Variants in TTN observed in about 807,000 individuals in gnomAD.
TTN encodes connectin.
In TTN, 1,525 loss-of-function variants were observed where a neutral mutation model predicts 3,223.0. The ratio of observed to expected loss-of-function variants is 0.47; its 90% CI spans 0.45 to 0.49. The LOEUF is 0.49. Ranked by LOEUF, TTN falls within the 20% of genes least tolerant of loss-of-function variation. The probability of loss-of-function intolerance (pLI) is 0.00; values close to 1 mark genes in which losing one functional copy is unlikely to be tolerated. For synonymous variants in TTN, 14,094 were observed against 15,161.0 expected (o/e 0.93, Z 5.17); for missense variants, 40,786 against 43,424.0 (o/e 0.94, Z 5.40).
intron 2 of TTN, among the ~76,000 whole-genome samples, chr2:178,803,925 G>T (rs2094189711): frequency 6.6e-6 from 1 of 152,062 alleles, no homozygotes; most frequent in Non-Finnish European, 1.5e-5. Flanking sequence ...TAAAATTCTA[G>T]GGTTAGTGTT....
rs574980683 is a variant in TTN, at chr2:178,595,634, T to C, written c.57720A>G (p.Arg19240=). ...AWTPVTYTVT[R]QNATVQGLIQ... is the part of the protein sequence containing the mutation. ...TGAGACCCTGGACAGTAGCATTTTGTCGGGTAACTGTATATGTCACTGGGG... is the reference window on the plus strand; with the variant it reads ...TGAGACCCTGGACAGTAGCATTTTGCCGGGTAACTGTATATGTCACTGGGG... The change falls in exon 295 of 363, where the codon CGA becomes CGG. Residue 19240 remains arginine, a synonymous_variant. Coordinates refer to ENST00000589042, the MANE Select transcript of TTN (RefSeq NM_001267550.2). The C allele has an allele frequency of 1.3e-5, 21 of 1,604,950 alleles. No individual in the cohort carries two copies. In the South Asian group the frequency reaches 2.1e-4, roughly 16 times the overall value.
chr2:178,678,900 T>A, intron 142 of TTN, 70 bp from the exon 143 acceptor site: 1 of 1,266,302 alleles, frequency 7.9e-7, no homozygotes, highest in Non-Finnish European at 1.1e-6. Flanking sequence ...GCTGGCAATG[T>A]AAGGCCTTAA....
intron 240 of TTN, among the ~76,000 whole-genome samples, chr2:178,628,178 T>A (rs1302909583): frequency 6.6e-6 from 1 of 152,088 alleles, no homozygotes; most frequent in African/African-American, 2.4e-5. Flanking sequence ...ATCACTTTAG[T>A]GGAATACTAG....
At chr2:178,614,019 C>CTTT in intron 262 of TTN, 33 bp downstream of exon 262, 1 of 1,468,170 alleles carries the variant, frequency 6.8e-7, no homozygotes, top group Non-Finnish European at 9.3e-7. Flanking sequence ...CATAAGCATC[C>CTTT]TTTTTTTTTT....
rs892039831 is a variant in TTN, at chr2:178,694,026, C to T, written c.31427-18G>A. The stretch of plus-strand genomic sequence containing the variant: ...AGCTGGTACTTTAAAGAGAGTATTT[C>T]ACATTAGTATTCCTTTTTTTTAGTA... On this transcript the variant is annotated intron_variant, in intron 117 of 362. Transcript: ENST00000589042. 1.3e-6 allele frequency: 2 copies of T among 1,586,052 alleles called. No homozygotes were observed. The highest frequency in any genetic ancestry group is 1.7e-6 in the Non-Finnish European group (2 of 1,159,418).
intron 315 of TTN, 42 bp from the exon 316 acceptor site, chr2:178,581,846 T>C: frequency 6.2e-7 from 1 of 1,600,976 alleles, no homozygotes; most frequent in African/African-American, 1.4e-5. Flanking sequence ...GAAAACTTCC[T>C]TCCTGGGTGT....
Position 178,688,936 on chromosome 2 carries a change from A to T in TTN, c.32095+117T>A, listed in dbSNP as rs534343790. On this transcript the variant is annotated intron_variant, in intron 125 of 362. Coordinates refer to ENST00000589042, the MANE Select transcript of TTN (RefSeq NM_001267550.2). ...GACATAAACACAAAAGTTTCACTGCAAGTGAGACAATGGATCAGTATAAGC... is the reference window on the plus strand; with the variant it reads ...GACATAAACACAAAAGTTTCACTGCTAGTGAGACAATGGATCAGTATAAGC... 11 of 1,208,594 alleles carry T rather than the reference A, an allele frequency of 9.1e-6. No individual in the cohort carries two copies. The South Asian group carries it at 1.2e-4, about 13-fold the overall frequency. 74.9% of individuals were successfully genotyped at this position (1,208,594 alleles called of 1,614,324 possible). A position where few individuals can be genotyped will look rare whatever the true frequency, so the allele number is the denominator to read the frequency against.
chr2:178,547,803 C>G lies in TTN; in HGVS notation c.93823G>C (p.Val31275Leu). 6.2e-7 allele frequency: 1 copy of G among 1,613,894 alleles called. No homozygotes were observed. Among genetic ancestry groups the G allele is most frequent in the Non-Finnish European group, 8.5e-7 (1 of 1,179,836 alleles). The stretch of plus-strand genomic sequence containing the variant: ...GAGTCACCTCTCATGCTGTCCTTTA[C>G]AGTCAGTGTGGTTCTGTCTTTTGTT... ...TTTKDRTTLT[V>L]KDSMRGDSGR... Residue 31275 changes from valine to leucine, a missense_variant, in exon 339 of 363, where the codon GTA becomes CTA. Transcript: ENST00000589042.
chr2:178,576,425 G>A lies in TTN; in HGVS notation c.69716-9C>T, dbSNP rs776930347. The A allele has an allele frequency of 6.3e-7, 1 of 1,576,864 alleles. No individual in the cohort carries two copies. Among genetic ancestry groups the A allele is most frequent in the Admixed American group, 2.1e-5 (1 of 48,278 alleles). On this transcript the variant is annotated splice_polypyrimidine_tract_variant and intron_variant, in intron 325 of 362. Transcript: ENST00000589042. This position sits in a 1 kb window ranked among gnomAD's most constrained non-coding sequence, Gnocchi z 4.3. Reference sequence around the variant, plus strand: ...AGGTGGTCCTGGAGGATCTGAGAAAGAAACAAAGACACAAAAGTATATATT... The same window carrying A: ...AGGTGGTCCTGGAGGATCTGAGAAAAAAACAAAGACACAAAAGTATATATT...
intron 226 of TTN, 23 bp downstream of exon 226, chr2:178,635,939 GA>G (rs751373560): frequency 6.4e-7 from 1 of 1,555,852 alleles, no homozygotes; most frequent in South Asian, 1.2e-5. Flanking sequence ...TAAGCAGAAC[GA>G]AATCTCCCAG....
At chr2:178,673,191 G>T (rs2067314518) in intron 152 of TTN, among the ~76,000 whole-genome samples, 1 of 151,762 alleles carries the variant, frequency 6.6e-6, no homozygotes, top group African/African-American at 2.4e-5. Context: ...AACCTTGAAT[G>T]CTTGGGCTAA....
In TTN at chr2:178,586,643, C is replaced by G; in HGVS notation, c.64258G>C (p.Val21420Leu). Reference sequence around the variant, plus strand: ...ACAACAAGGCTCAGATCTTTTACCACTGAGTACTCTGTCCAGCGATCTGCA... The same window carrying G: ...ACAACAAGGCTCAGATCTTTTACCAGTGAGTACTCTGTCCAGCGATCTGCA... ...QPADRWTEYS[V>L]VKDLSLVVTG... Residue 21420 changes from valine (V) to leucine (L), a missense_variant, in exon 308 of 363, where the codon GTG becomes CTG. Transcript: ENST00000589042. 6.2e-7 allele frequency: 1 copy of G among 1,613,210 alleles called. No individual in the cohort carries two copies. The highest frequency in any genetic ancestry group is 8.5e-7 in the Non-Finnish European group (1 of 1,179,404).
rs1238849504 is a variant in TTN, at chr2:178,735,659, G to T, written c.14787C>A (p.Pro4929=). The part of the protein sequence containing the change: ...VTWSKDGQKL[P]PGKDYKICFE... ...AACAGATCTTATAATCTTTCCCTGGGGGGAGTTTTTGCCCATCTTTGCTCC... is the reference window on the plus strand; with the variant it reads ...AACAGATCTTATAATCTTTCCCTGGTGGGAGTTTTTGCCCATCTTTGCTCC... The change falls in exon 50 of 363, where the codon CCC becomes CCA. Residue 4929 remains proline (P), a synonymous_variant. Transcript: ENST00000589042. 6.2e-7 allele frequency: 1 copy of T among 1,613,746 alleles called. No individual in the cohort carries two copies. The highest frequency in any genetic ancestry group is 1.1e-5 in the South Asian group (1 of 91,074).
intron 152 of TTN, among the ~76,000 whole-genome samples, chr2:178,673,281 GTAAAA>G (rs1282462140): frequency 6.6e-6 from 1 of 151,638 alleles, no homozygotes; most frequent in Non-Finnish European, 1.5e-5. Flanking sequence ...AATAAATATA[GTAAAA>G]TAATTATTAT....
chr2:178,736,034 A>G lies in TTN; in HGVS notation c.14412T>C (p.Leu4804=). The stretch of plus-strand genomic sequence containing the variant: ...TGGCTGCCTTACCCACAAAAGTTGT[A>G]AGGGACTTAGGTCTGGAGAGAAAGG... ...PPTFLSRPKS[L]TTFVGKAAKF... The change falls in exon 50 of 363, where the codon CTT becomes CTC. Residue 4804 remains leucine (L), a synonymous_variant. Transcript: ENST00000589042. 2 of 1,610,060 alleles carry G rather than the reference A, an allele frequency of 1.2e-6. No homozygotes were observed. Among genetic ancestry groups the G allele is most frequent in the East Asian group, 2.2e-5 (1 of 44,814 alleles).
chr2:178,783,115 C>A (rs1328457063), intron 17 of TTN, 51 bp from the exon 18 acceptor site: 1 of 1,597,288 alleles, frequency 6.3e-7, no homozygotes, highest in Admixed American at 1.7e-5. Context: ...ATTCATTAAT[C>A]ACTTCTGTTT....
chr2:178,638,809 T>A (rs1420659127), intron 223 of TTN, among the ~76,000 whole-genome samples: 1 of 152,030 alleles, frequency 6.6e-6, no homozygotes, highest in Non-Finnish European at 1.5e-5. Context: ...TTTAAACTCA[T>A]GGGATGCATG....
rs727505031 is a variant in TTN, at chr2:178,723,877, G to A, written c.21382C>T (p.Arg7128Cys). 4.3e-6 allele frequency: 7 copies of A among 1,611,732 alleles called. No individual in the cohort carries two copies. The highest frequency in any genetic ancestry group is 3.3e-5 in the South Asian group (3 of 90,888). The change falls in exon 73 of 363, where the codon CGT (arginine) becomes TGT (cysteine). Residue 7128 changes from arginine (R) to cysteine (C), a missense_variant. Arg to Cys is a radical substitution (Grantham distance 180). Coordinates refer to ENST00000589042, the MANE Select transcript of TTN (RefSeq NM_001267550.2). ...TGACCTTGTACAGTTAGCACTGCAC[G>A]ACATTCATCAGACCCAGCGACATTA... ...AANVAGSDEC[R>C]AVLTVQEPPS...
In TTN at chr2:178,589,140, A is replaced by G. The variant is rs1349807141; in HGVS notation, c.62585T>C (p.Leu20862Ser). 1 of 1,613,174 alleles carries G rather than the reference A, an allele frequency of 6.2e-7. No individual in the cohort carries two copies. Among genetic ancestry groups the G allele is most frequent in the South Asian group, 1.1e-5 (1 of 91,072 alleles). Residue 20862 changes from leucine to serine, a missense_variant, in exon 304 of 363, where the codon TTA (leucine) becomes TCA (serine). Physicochemically the swap from Leu to Ser is moderately radical, Grantham distance 145. Coordinates refer to ENST00000589042, the MANE Select transcript of TTN (RefSeq NM_001267550.2). ...ATTTCTCACAGGACCAGGCTTATCTAAAACATTGACAGTGGCATAGGCCAC... is the reference window on the plus strand; with the variant it reads ...ATTTCTCACAGGACCAGGCTTATCTGAAACATTGACAGTGGCATAGGCCAC... ...SFVAYATVNVLDKPGPVRNLK... is the reference protein window; with the variant it reads ...SFVAYATVNVSDKPGPVRNLK...
Sources: allele counts gnomAD v4.1 joint callset (sites outside exome capture counted in the v4.1 genomes callset), GRCh38; gene constraint gnomAD v4.1.1; non-coding constraint Gnocchi (gnomAD v3.1); transcripts MANE v1.5; gene names NCBI Gene and HGNC (gene_info 2026-07-23, HGNC 2026-07-21).